Variants in PNKD observed in about 807,000 individuals in gnomAD.
The protein encoded by PNKD is probable thioesterase PNKD.
PNKD carries 36 observed loss-of-function variants against 45.3 expected under a neutral mutation model. The ratio of observed to expected loss-of-function variants is 0.80; its 90% CI spans 0.61 to 1.05. PNKD has a LOEUF of 1.05. PNKD is among the 50% of genes least tolerant of loss of function. The pLI, the probability that PNKD is intolerant of heterozygous loss-of-function variation, is 0.00. For missense variants in PNKD, 511 were observed against 506.6 expected (o/e 1.01, Z -0.08); for synonymous variants, 197 against 210.1 (o/e 0.94, Z 0.54).
chr2:218,319,371 CTTT>C (rs35553031), intron 2 of PNKD, among the ~76,000 whole-genome samples: 3 of 80,216 alleles, frequency 3.7e-5, no homozygotes, highest in African/African-American at 4.9e-5. Flanking sequence ...TCTTGTTTGT[CTTT>C]TTTTTTTTTT....
chr2:218,282,043 T>G (rs1359519195), intron 2 of PNKD: 1 of 1,603,574 alleles, frequency 6.2e-7, no homozygotes, highest in Non-Finnish European at 8.5e-7. Context: ...GATACCCTCC[T>G]GGCAGGACAG....
chr2:218,320,583 G>A (rs1471188448), intron 2 of PNKD, among the ~76,000 whole-genome samples: 2 of 152,154 alleles, frequency 1.3e-5, no homozygotes, highest in Non-Finnish European at 2.9e-5. Context: ...TTAAAAAAAA[G>A]TATGAATAAG....
In PNKD at chr2:218,315,057, T is replaced by TCTTTCTTTCTTCCTTCCTTCCTTCCTTC. The variant is rs61429059; in HGVS notation, c.237-24723_237-24722insTCTTTCTTCCTTCCTTCCTTCCTTCCTT. Among the ~76,000 whole-genome samples the TCTTTCTTTCTTCCTTCCTTCCTTCCTTC allele has an allele frequency of 1.7e-3, 96 of 55,608 alleles. 21 individuals are homozygous for TCTTTCTTTCTTCCTTCCTTCCTTCCTTC. The highest frequency in any genetic ancestry group is 3.3e-3 in the Admixed American group (14 of 4,224). The allele number at this position is 55,608 out of a possible 152,430, so 36.5% of individuals were successfully genotyped here. On this transcript the variant is annotated intron_variant, in intron 2 of 9. Transcript: ENST00000273077. ...CTTTCTTTTTCTTTCTTTCTTTCTTTCTTCCTTCCTTCCTTCCTTTCTTTC... is the reference window on the plus strand; with the variant it reads ...CTTTCTTTTTCTTTCTTTCTTTCTTTCTTTCTTTCTTCCTTCCTTCCTTCCTTCCTTCCTTCCTTCCTTCCTTTCTTTC...
chr2:218,323,276 G>A (rs761659061), intron 2 of PNKD: 4 of 1,538,092 alleles, frequency 2.6e-6, no homozygotes, highest in Admixed American at 3.9e-5. Context: ...GCATGGCTTG[G>A]CAGGGCTGGC....
At chr2:218,313,064 AATG>A (rs1386985205) in intron 2 of PNKD, among the ~76,000 whole-genome samples, 1 of 152,030 alleles carries the variant, frequency 6.6e-6, no homozygotes, top group African/African-American at 2.4e-5. Flanking sequence ...CCTTGATAAA[AATG>A]TTCACATATT....
intron 2 of PNKD, chr2:218,276,065 G>A: frequency 6.2e-7 from 1 of 1,613,158 alleles, no homozygotes; most frequent in Non-Finnish European, 8.5e-7. Flanking sequence ...CATAGAGCAT[G>A]TGGAGCCAGT....
At chr2:218,287,643 G>A (rs1052208726) in intron 2 of PNKD, among the ~76,000 whole-genome samples, 5 of 152,154 alleles carry the variant, frequency 3.3e-5, no homozygotes, top group African/African-American at 1.2e-4. Context: ...CCGAGAGGCA[G>A]AGGTTGCAGT....
chr2:218,329,555 G>A (rs995100471), intron 2 of PNKD, among the ~76,000 whole-genome samples: 5 of 152,156 alleles, frequency 3.3e-5, no homozygotes, highest in African/African-American at 4.8e-5. Context: ...CTCCCCTTCC[G>A]TCAGTGACAG....
rs1343008155 is a variant in PNKD, at chr2:218,315,046, C to CTT, written c.237-24735_237-24734dup. Among the ~76,000 whole-genome samples, 13 of 93,580 alleles carry CTT rather than the reference C, an allele frequency of 1.4e-4. 1 individual carries two copies. Among genetic ancestry groups the CTT allele is most frequent in the African/African-American group, 4.5e-4 (13 of 29,074 alleles). The allele number at this position is 93,580 out of a possible 152,430, so 61.4% of individuals were successfully genotyped here. On this transcript the variant is annotated intron_variant, in intron 2 of 9. Transcript: ENST00000273077. ...TTTCTTTCTTTCTTTCTTTTTCTTT[C>CTT]TTTCTTTCTTTCTTCCTTCCTTCCT...
intron 2 of PNKD, chr2:218,272,855 A>G (rs1690906080): frequency 1.9e-6 from 3 of 1,606,308 alleles, no homozygotes; most frequent in South Asian, 1.1e-5. Flanking sequence ...CAGAGGGCGC[A>G]TGAAGCCCAG....
At chr2:218,280,574 G>C (rs1691805118) in intron 2 of PNKD, 2 of 226,160 alleles carry the variant, frequency 8.8e-6, no homozygotes, top group South Asian at 5.7e-5. Context: ...GCCTCACAGA[G>C]GCAGGTGTGC....
chr2:218,311,095 C>T (rs1471657815), intron 2 of PNKD, among the ~76,000 whole-genome samples: 1 of 152,150 alleles, frequency 6.6e-6, no homozygotes, highest in Non-Finnish European at 1.5e-5. Flanking sequence ...GAATGTATTC[C>T]TGTCCTTAAG....
At chr2:218,305,022 G>A (rs1242146602) in intron 2 of PNKD, among the ~76,000 whole-genome samples, 1 of 152,056 alleles carries the variant, frequency 6.6e-6, no homozygotes, top group Admixed American at 6.6e-5. Context: ...GCAGTGAGCT[G>A]AGATCGCGCC....
At chr2:218,297,771 G>A (rs557560447) in intron 2 of PNKD, among the ~76,000 whole-genome samples, 20 of 151,032 alleles carry the variant, frequency 1.3e-4, no homozygotes, top group South Asian at 4.2e-4. Context: ...AGGCCGAGGC[G>A]GGCAGATCAC....
At chr2:218,279,891 C>A (rs1311424244) in intron 2 of PNKD, 12 of 701,318 alleles carry the variant, frequency 1.7e-5, no homozygotes, top group Non-Finnish European at 3.1e-5. Flanking sequence ...CTCTGAGAAG[C>A]AGACAAGGCT....
intron 2 of PNKD, among the ~76,000 whole-genome samples, chr2:218,304,198 G>C (rs1693352694): frequency 6.6e-6 from 1 of 152,076 alleles, no homozygotes. Flanking sequence ...TTGTTGCCCA[G>C]GCTGGAGTGC....
intron 2 of PNKD, among the ~76,000 whole-genome samples, chr2:218,293,180 A>G (rs547467503): frequency 9.9e-4 from 151 of 152,374 alleles, no homozygotes; most frequent in Non-Finnish European, 2.0e-3. Context: ...GTCAGAATTC[A>G]GAAGTCCTAC....
intron 2 of PNKD, among the ~76,000 whole-genome samples, chr2:218,302,779 G>A (rs1309906152): frequency 3.3e-5 from 5 of 152,226 alleles, no homozygotes; most frequent in Admixed American, 3.3e-4. Context: ...GAGACCCTGA[G>A]AACACGTGGC....
At chr2:218,277,690 A>G in intron 2 of PNKD, 1 of 1,614,134 alleles carries the variant, frequency 6.2e-7, no homozygotes, top group Non-Finnish European at 8.5e-7. Flanking sequence ...GGAGAGAGAC[A>G]AGAATGAAAC....
Sources: gnomAD v4.1 joint callset for allele counts (sites outside exome capture counted in the v4.1 genomes callset) on GRCh38, gnomAD v4.1.1 for gene constraint, MANE v1.5 for transcripts, NCBI Gene and HGNC (gene_info 2026-07-23, HGNC 2026-07-21) for gene names.